MAP2: variants seen among roughly 807,000 people sequenced by gnomAD.
MAP2 encodes microtubule-associated protein 2.
Under a neutral mutation model 137.6 loss-of-function variants are expected in MAP2, and 14 were observed. That is an observed-to-expected ratio of 0.10 (90% CI 0.07 to 0.16). The LOEUF is 0.16. MAP2 is among the 10% of genes least tolerant of loss of function. The pLI, the probability that MAP2 is intolerant of heterozygous loss-of-function variation, is 1.00. For missense variants in MAP2, 2,088 were observed against 2,191.5 expected, an observed-to-expected ratio of 0.95 and a Z score of 0.94; for synonymous variants, 786 against 782.3, an observed-to-expected ratio of 1.00 and a Z score of -0.08.
intron 2 of MAP2, among the ~76,000 whole-genome samples, chr2:209,537,812 T>G (rs288096): frequency 0.28 from 41,963 of 152,070 alleles, 9,749 homozygotes; most frequent in African/African-American, 0.65. Flanking sequence ...AGCCTTTAAT[T>G]CATTTTATCA....
intron 3 of MAP2, among the ~76,000 whole-genome samples, chr2:209,613,431 G>T (rs1045054041): frequency 2.6e-5 from 4 of 152,138 alleles, no homozygotes; most frequent in Non-Finnish European, 5.9e-5. Context: ...AGGATCTGTA[G>T]TCCTTCGTTA....
intron 1 of MAP2, among the ~76,000 whole-genome samples, chr2:209,489,476 G>A (rs775091202): frequency 3.3e-5 from 5 of 152,102 alleles, no homozygotes; most frequent in Admixed American, 6.5e-5. Context: ...TCAGAAGGTG[G>A]GTAATAGCAA....
intron 2 of MAP2, among the ~76,000 whole-genome samples, chr2:209,529,961 A>G (rs1004304522): frequency 7.1e-6 from 1 of 140,364 alleles, no homozygotes; most frequent in Admixed American, 8.0e-5. Context: ...TATTGAGAGC[A>G]GAGTTTTCCT....
chr2:209,553,520 T>C (rs113341326), intron 2 of MAP2, among the ~76,000 whole-genome samples: 54 of 152,264 alleles, frequency 3.5e-4, no homozygotes, highest in African/African-American at 1.3e-3. Flanking sequence ...AAACAATACA[T>C]TGATTTCCTG....
At chr2:209,572,505 ATAT>A (rs2074564043) in intron 2 of MAP2, among the ~76,000 whole-genome samples, 1 of 152,152 alleles carries the variant, frequency 6.6e-6, no homozygotes, top group African/African-American at 2.4e-5. Context: ...TATAATATCA[ATAT>A]TATTTTCAAA....
At chr2:209,580,286 G>A (rs961451530) in intron 3 of MAP2, among the ~76,000 whole-genome samples, 186 bp downstream of exon 3, 2 of 152,118 alleles carry the variant, frequency 1.3e-5, no homozygotes, top group Admixed American at 1.3e-4. Flanking sequence ...ATTAGAGGAT[G>A]ACTAAAGAAT....
chr2:209,562,622 A>G (rs2072413028), intron 2 of MAP2, among the ~76,000 whole-genome samples: 1 of 151,972 alleles, frequency 6.6e-6, no homozygotes, highest in Non-Finnish European at 1.5e-5. Context: ...ACTTGAACCC[A>G]GAAGGCGGAG....
chr2:209,463,772 C>G (rs950131824), intron 1 of MAP2, among the ~76,000 whole-genome samples: 1 of 152,054 alleles, frequency 6.6e-6, no homozygotes, highest in Non-Finnish European at 1.5e-5. Context: ...TTGTCTCGTC[C>G]CACTTTCTTT....
intron 7 of MAP2, among the ~76,000 whole-genome samples, chr2:209,689,907 G>A (rs1174162016): frequency 6.6e-6 from 1 of 152,046 alleles, no homozygotes; most frequent in African/African-American, 2.4e-5. Flanking sequence ...TTTTGAAAAT[G>A]TTCATTTTCT....
chr2:209,667,943 C>T (rs1011735242), intron 5 of MAP2, among the ~76,000 whole-genome samples: 5 of 152,000 alleles, frequency 3.3e-5, no homozygotes, highest in Admixed American at 2.0e-4. Context: ...TGCCTAAAAT[C>T]CCGCATAAAT....
chr2:209,697,850 C>G (rs961287726), intron 10 of MAP2, among the ~76,000 whole-genome samples: 4 of 151,206 alleles, frequency 2.6e-5, no homozygotes, highest in Middle Eastern at 3.4e-3. Context: ...TTGCTGTCTA[C>G]TTTTTTTTTG....
intron 1 of MAP2, among the ~76,000 whole-genome samples, chr2:209,491,353 TA>T: frequency 6.6e-6 from 1 of 152,234 alleles, no homozygotes; most frequent in Middle Eastern, 3.4e-3. Flanking sequence ...GGGAAAGATC[TA>T]AAATTGACAT....
chr2:209,603,630 C>A (rs1241015526), intron 3 of MAP2, among the ~76,000 whole-genome samples: 1 of 152,116 alleles, frequency 6.6e-6, no homozygotes, highest in Non-Finnish European at 1.5e-5. Flanking sequence ...AGTCTTTAAT[C>A]CCTGTGAGGT....
At chr2:209,488,562 G>A (rs1438803292) in intron 1 of MAP2, among the ~76,000 whole-genome samples, 3 of 152,180 alleles carry the variant, frequency 2.0e-5, no homozygotes, top group South Asian at 2.1e-4. Context: ...TGCCAGCACA[G>A]CAGTCTGAAA....
Position 209,695,500 on chromosome 2 carries a change from C to T in MAP2, c.3330C>T (p.Val1110=), listed in dbSNP as rs113287686. 138 of 1,614,012 alleles carry T rather than the reference C, an allele frequency of 8.6e-5. No homozygotes were observed. The African/African-American group carries it at 1.5e-3, about 18-fold the overall frequency. The change falls in exon 8 of 16, where the codon GTC becomes GTT. Residue 1110 remains valine (V), a synonymous_variant. Transcript: ENST00000682079. The part of the protein sequence containing the change: ...KEGTKVSETE[V]KEKVAKPDLV... ...GCACTAAAGTTAGTGAGACAGAAGT[C>T]AAAGAGAAGGTGGCCAAGCCTGACT...
At chr2:209,680,029 A>T (rs1409613891) in intron 6 of MAP2, among the ~76,000 whole-genome samples, 2 of 152,160 alleles carry the variant, frequency 1.3e-5, no homozygotes, top group Non-Finnish European at 2.9e-5. Context: ...ATCACAAATC[A>T]TGTAAGTGTC....
chr2:209,621,276 T>TGA (rs1341047469), intron 3 of MAP2, among the ~76,000 whole-genome samples: 2 of 147,816 alleles, frequency 1.4e-5, no homozygotes, highest in East Asian at 4.0e-4. Flanking sequence ...TTTTTTTTTT[T>TGA]GAGAGAGAGT....
chr2:209,593,839 T>A (rs1199626674), intron 3 of MAP2, among the ~76,000 whole-genome samples: 5 of 91,030 alleles, frequency 5.5e-5, no homozygotes, highest in Non-Finnish European at 1.1e-4. Flanking sequence ...TTATATTATA[T>A]TATAATATAT....
rs74387448 is a variant in MAP2 at position 209,707,598 on chromosome 2, A to G, written c.4732+1871A>G. On this transcript the variant is annotated intron_variant, in intron 12 of 15. Transcript: ENST00000682079. ...AGATAAATAAAAGCACAGTTTAATC[A>G]ATTAACTTGTAAAGAAATATCTTAA... 5.4e-3 allele frequency among the ~76,000 whole-genome samples: 816 copies of G among 152,282 alleles called. 6 individuals carry two copies. Among genetic ancestry groups the G allele is most frequent in the African/African-American group, 0.019 (795 of 41,564 alleles).
Sources: allele counts gnomAD v4.1 joint callset (sites outside exome capture counted in the v4.1 genomes callset), GRCh38; gene constraint gnomAD v4.1.1; transcripts MANE v1.5; gene names NCBI Gene and HGNC (gene_info 2026-07-23, HGNC 2026-07-21).